MIPOL1: variants seen among roughly 807,000 people sequenced by gnomAD.
MIPOL1 encodes the protein mirror-image polydactyly 1, also known as mirror-image polydactyly gene 1 protein.
MIPOL1 carries 57 observed loss-of-function variants against 60.9 expected under a neutral mutation model. That is an observed-to-expected ratio of 0.94 (90% CI 0.76 to 1.17). The LOEUF (loss-of-function observed/expected upper bound fraction) is 1.17. MIPOL1 is among the 50% of genes most tolerant of loss of function. The probability of loss-of-function intolerance (pLI) is 0.00; values close to 1 mark genes in which losing one functional copy is unlikely to be tolerated. For synonymous variants in MIPOL1, 179 were observed against 168.8 expected (o/e 1.06, Z -0.47); for missense variants, 551 against 511.6 (o/e 1.08, Z -0.74).
At chr14:37,307,701 G>A (rs1381161052) in intron 7 of MIPOL1, among the ~76,000 whole-genome samples, 1 of 151,870 alleles carries the variant, frequency 6.6e-6, no homozygotes, top group Non-Finnish European at 1.5e-5. Context: ...AAAAAAGAGA[G>A]GAAATACAGT....
intron 3 of MIPOL1, 109 bp downstream of exon 3, chr14:37,248,016 G>GCA: frequency 9.8e-7 from 1 of 1,022,026 alleles, no homozygotes; most frequent in Non-Finnish European, 1.5e-6. Flanking sequence ...GTAGACAAGT[G>GCA]CGCACACACA....
chr14:37,482,298 A>G (rs2094883291), intron 11 of MIPOL1, among the ~76,000 whole-genome samples: 1 of 152,228 alleles, frequency 6.6e-6, no homozygotes, highest in Non-Finnish European at 1.5e-5. Flanking sequence ...GAAGGCATAC[A>G]GATAGCCAGT....
At chr14:37,311,363 C>G (rs1028786766) in intron 9 of MIPOL1, among the ~76,000 whole-genome samples, 1 of 152,144 alleles carries the variant, frequency 6.6e-6, no homozygotes, top group Non-Finnish European at 1.5e-5. Context: ...TATCTTTTCT[C>G]CCTCCACTGA....
Position 37,369,613 on chromosome 14 carries a change from C to A in MIPOL1, c.925C>A (p.Arg309Ser). Reference sequence around the variant, plus strand: ...TCTGACTGCTGAAAACAATCAAGAACGTGCTCTGAAGGTAAATCTCCGTTC... The same window carrying A: ...TCTGACTGCTGAAAACAATCAAGAAAGTGCTCTGAAGGTAAATCTCCGTTC... ...RHLTAENNQE[R>S]ALKAKLLSMQ... The change falls in exon 10 of 13, where the codon CGT becomes AGT. Residue 309 changes from arginine (R) to serine (S), a missense_variant. By Grantham distance (110) the Arg-to-Ser change is moderately radical. Coordinates refer to ENST00000684589, the MANE Select transcript of MIPOL1 (RefSeq NM_001388067.1). 1 of 1,612,320 alleles carries A rather than the reference C, an allele frequency of 6.2e-7. No individual in the cohort carries two copies. Among genetic ancestry groups the A allele is most frequent in the Non-Finnish European group, 8.5e-7 (1 of 1,178,798 alleles).
chr14:37,269,558 T>C (rs1423471273), intron 5 of MIPOL1, among the ~76,000 whole-genome samples: 2 of 152,106 alleles, frequency 1.3e-5, no homozygotes, highest in Non-Finnish European at 2.9e-5. Context: ...TATGAGATGT[T>C]TTCTGTACTT....
chr14:37,408,761 C>G (rs1026793219), intron 10 of MIPOL1, among the ~76,000 whole-genome samples: 1 of 152,336 alleles, frequency 6.6e-6, no homozygotes, highest in African/African-American at 2.4e-5. Flanking sequence ...TCAACATAGA[C>G]TTCTGCTTCC....
At chr14:37,479,857 G>C (rs923501561) in intron 11 of MIPOL1, among the ~76,000 whole-genome samples, 2 of 152,076 alleles carry the variant, frequency 1.3e-5, no homozygotes, top group Non-Finnish European at 2.9e-5. Context: ...AGAGGAGACC[G>C]TACAACTGCT....
chr14:37,339,690 A>G (rs1277081471), intron 9 of MIPOL1, among the ~76,000 whole-genome samples: 1 of 152,236 alleles, frequency 6.6e-6, no homozygotes, highest in Non-Finnish European at 1.5e-5. Context: ...ACACACAAAC[A>G]TAGATGAATC....
At chr14:37,295,566 A>G (rs1054533016) in intron 7 of MIPOL1, among the ~76,000 whole-genome samples, 7 of 152,208 alleles carry the variant, frequency 4.6e-5, no homozygotes, top group East Asian at 3.9e-4. Flanking sequence ...CCCATCTCAC[A>G]TGCAGAGACA....
chr14:37,289,973 T>C (rs180826523), intron 7 of MIPOL1, among the ~76,000 whole-genome samples: 1 of 152,266 alleles, frequency 6.6e-6, no homozygotes, highest in African/African-American at 2.4e-5. Flanking sequence ...AAATATGTAT[T>C]TCACAATATC....
At chr14:37,322,009 T>C (rs1047343838) in intron 9 of MIPOL1, among the ~76,000 whole-genome samples, 6 of 151,964 alleles carry the variant, frequency 3.9e-5, no homozygotes, top group Non-Finnish European at 5.9e-5. Flanking sequence ...GAATCTATTA[T>C]TATATTTTGC....
At position 37,405,725 on chromosome 14, in the gene MIPOL1, T is replaced by TA. The variant is rs901194819; in HGVS notation, c.937-17121dup. Among the ~76,000 whole-genome samples, 553 of 150,670 alleles carry TA rather than the reference T, an allele frequency of 3.7e-3. 5 individuals are homozygous for TA. The highest frequency in any genetic ancestry group is 0.012 in the African/African-American group (478 of 41,218). On this transcript the variant is annotated intron_variant, in intron 10 of 12. Transcript: ENST00000684589. ...TTCATTTAATTGTGAACTGTTTCAG[T>TA]AAAAAAAAAGTCTTTCATATAGCCT...
intron 12 of MIPOL1, among the ~76,000 whole-genome samples, chr14:37,544,979 A>G (rs776759940): frequency 1.3e-5 from 2 of 152,236 alleles, no homozygotes; most frequent in African/African-American, 4.8e-5. Context: ...GATTCATCTC[A>G]GTAATTTGGG....
At chr14:37,279,258 A>G (rs186988665) in intron 6 of MIPOL1, among the ~76,000 whole-genome samples, 63 of 149,746 alleles carry the variant, frequency 4.2e-4, no homozygotes, top group Admixed American at 3.2e-3. Context: ...TTTGTATGAC[A>G]TACGAGATGC....
At chr14:37,294,984 C>T (rs138740297) in intron 7 of MIPOL1, among the ~76,000 whole-genome samples, 5 of 152,214 alleles carry the variant, frequency 3.3e-5, no homozygotes, top group African/African-American at 1.2e-4. Context: ...AGAAGAGCAA[C>T]TCCAAGACAC....
intron 7 of MIPOL1, among the ~76,000 whole-genome samples, chr14:37,289,329 A>G (rs1023283756): frequency 2.0e-5 from 3 of 152,156 alleles, no homozygotes; most frequent in African/African-American, 4.8e-5. Context: ...TTAAATTCTG[A>G]CACTATCTAC....
intron 12 of MIPOL1, among the ~76,000 whole-genome samples, chr14:37,533,510 T>C (rs1193948239): frequency 1.3e-5 from 2 of 150,416 alleles, no homozygotes; most frequent in African/African-American, 5.0e-5. Context: ...ACAAACTCCA[T>C]TTCTGGCTAA....
intron 10 of MIPOL1, among the ~76,000 whole-genome samples, chr14:37,377,124 C>T (rs561517129): frequency 6.6e-6 from 1 of 152,268 alleles, no homozygotes; most frequent in African/African-American, 2.4e-5. Flanking sequence ...GGGAAGGAGT[C>T]AGGACCTGAG....
intron 1 of MIPOL1, among the ~76,000 whole-genome samples, chr14:37,229,912 G>A (rs981728726): frequency 2.0e-5 from 3 of 152,162 alleles, no homozygotes; most frequent in Admixed American, 1.3e-4. Context: ...GGGGCTAAAG[G>A]TTGGGGATGG....
Sources: allele counts gnomAD v4.1 joint callset (sites outside exome capture counted in the v4.1 genomes callset), GRCh38; gene constraint gnomAD v4.1.1; transcripts MANE v1.5; gene names NCBI Gene and HGNC (gene_info 2026-07-23, HGNC 2026-07-21).